The following CCNB2 variants were observed in gnomAD, a reference collection of about 807,000 sequenced individuals.
CCNB2 encodes G2/mitotic-specific cyclin-B2.
In CCNB2, 39 loss-of-function variants were observed where a neutral mutation model predicts 51.1. That is an observed-to-expected ratio of 0.76 (90% confidence interval 0.59 to 1.00). CCNB2 has a LOEUF of 1.00. Ranked by LOEUF, CCNB2 falls within the 50% of genes least tolerant of loss-of-function variation. The pLI is 0.00. For missense variants in CCNB2, 472 were observed against 470.3 expected, an observed-to-expected ratio of 1.00 and a Z score of -0.03; for synonymous variants, 174 against 165.5, an observed-to-expected ratio of 1.05 and a Z score of -0.40.
At chr15:59,109,047 T>C (rs2140285851) in intron 3 of CCNB2, among the ~76,000 whole-genome samples, 1 of 152,280 alleles carries the variant, frequency 6.6e-6, no homozygotes, top group African/African-American at 2.4e-5. Context: ...GATTTGGCAG[T>C]ATATGTATAT....
chr15:59,117,235 T>C lies in CCNB2; in HGVS notation c.842T>C (p.Val281Ala). The C allele has an allele frequency of 6.2e-7, 1 of 1,612,666 alleles. No homozygotes were observed. Among genetic ancestry groups the C allele is most frequent in the Non-Finnish European group, 8.5e-7 (1 of 1,179,824 alleles). ...RRASKAGEVD[V>A]EQHTLAKYLM... ...CTTGCTGTTCTTTCTTAGGTTGATG[T>C]TGAACAGCACACTTTAGCCAAGTAT... is the stretch of plus-strand genomic sequence containing the variant. Residue 281 changes from valine to alanine, a missense_variant, in exon 7 of 9, where the codon GTT (valine) becomes GCT (alanine). Transcript: ENST00000288207.
intron 7 of CCNB2, among the ~76,000 whole-genome samples, chr15:59,118,335 T>C (rs2079287547): frequency 6.6e-6 from 1 of 152,222 alleles, no homozygotes; most frequent in Non-Finnish European, 1.5e-5. Context: ...AACAGTCTTC[T>C]AGTCTGCAGT....
chr15:59,113,441 A>G, intron 3 of CCNB2, among the ~76,000 whole-genome samples: 1 of 152,222 alleles, frequency 6.6e-6, no homozygotes. Context: ...GGGCAAAACC[A>G]ATTAAATAAA....
chr15:59,109,259 C>T (rs1249739028), intron 3 of CCNB2, among the ~76,000 whole-genome samples: 1 of 152,138 alleles, frequency 6.6e-6, no homozygotes, highest in African/African-American at 2.4e-5. Context: ...CTCTTGACCT[C>T]AGGTGATCCA....
chr15:59,116,341 G>A (rs941317229), intron 5 of CCNB2, among the ~76,000 whole-genome samples: 6 of 152,194 alleles, frequency 3.9e-5, no homozygotes, highest in African/African-American at 1.4e-4. Flanking sequence ...CTAGGAGCTT[G>A]GTATTCAGGC....
At chr15:59,116,604 A>G in intron 5 of CCNB2, 86 bp from the exon 6 acceptor site, 1 of 875,642 alleles carries the variant, frequency 1.1e-6, no homozygotes, top group Non-Finnish European at 1.8e-6. Flanking sequence ...GCACTTTTCC[A>G]GGACTTGGTT....
At chr15:59,114,683 A>T (rs775816244) in intron 4 of CCNB2, 35 bp from the exon 5 acceptor site, 89 of 1,591,940 alleles carry the variant, frequency 5.6e-5, no homozygotes, top group Non-Finnish European at 7.4e-5. Flanking sequence ...GAAGCAAACA[A>T]GGTCAGCTTT....
Position 59,114,465 on chromosome 15 carries a change from G to A in CCNB2, c.289G>A (p.Asp97Asn), listed in dbSNP as rs1445628854. The part of the protein sequence containing the change: ...APKGPSPTPE[D>N]VSMKEENLCQ... ...GTAGGGTCCTTCTCCCACACCTGAG[G>A]ATGTCTCCATGAAGGAAGAGAATCT... Residue 97 changes from aspartate (D) to asparagine (N), a missense_variant, in exon 4 of 9, where the codon GAT (aspartate) becomes AAT (asparagine). Transcript: ENST00000288207. 1.9e-6 allele frequency: 3 copies of A among 1,609,382 alleles called. No homozygotes were observed. The South Asian group carries it at 3.3e-5, about 18-fold the overall frequency.
Position 59,114,889 on chromosome 15 carries a change from T to G in CCNB2, c.597+13T>G. 1 of 1,604,048 alleles carries G rather than the reference T, an allele frequency of 6.2e-7. No individual in the cohort carries two copies. The highest frequency in any genetic ancestry group is 8.5e-7 in the Non-Finnish European group (1 of 1,172,200). On this transcript the variant is annotated intron_variant, in intron 5 of 8. Coordinates refer to ENST00000288207, the MANE Select transcript of CCNB2 (RefSeq NM_004701.4). ...TCGATTTTTACAGGTAGGTGTGGCT[T>G]CAGGGACTTCACGCCAGTGGCTCAT...
Position 59,107,460 on chromosome 15 carries a change from A to C in CCNB2, c.153+10A>C. ...AGCACAAGTAGCTAAGGTAACAATGATGAAGACTGAATGTGAATACAGAGG... is the reference window on the plus strand; with the variant it reads ...AGCACAAGTAGCTAAGGTAACAATGCTGAAGACTGAATGTGAATACAGAGG... On this transcript the variant is annotated intron_variant, in intron 2 of 8. Coordinates refer to ENST00000288207, the MANE Select transcript of CCNB2 (RefSeq NM_004701.4). 1.9e-6 allele frequency: 3 copies of C among 1,614,144 alleles called. No homozygotes were observed. Among genetic ancestry groups the C allele is most frequent in the Non-Finnish European group, 2.5e-6 (3 of 1,180,016 alleles).
rs773270446 is a variant in CCNB2, at chr15:59,124,763, G to A, written c.1087-4G>A. On this transcript the variant is annotated splice_region_variant and splice_polypyrimidine_tract_variant and intron_variant, in intron 8 of 8. Transcript: ENST00000288207. The stretch of plus-strand genomic sequence containing the variant: ...ATGTGCTTAATCACAAATGACTTCT[G>A]CAGGCCATCAAGAATAAGTATGCAA... 48 of 1,608,146 alleles carry A rather than the reference G, an allele frequency of 3.0e-5. No homozygotes were observed. Among genetic ancestry groups the A allele is most frequent in the Non-Finnish European group, 3.9e-5 (46 of 1,174,786 alleles).
chr15:59,112,384 A>T (rs563842896), intron 3 of CCNB2, among the ~76,000 whole-genome samples: 12 of 151,282 alleles, frequency 7.9e-5, no homozygotes, highest in Non-Finnish European at 1.5e-4. Context: ...TCGCTCTGTC[A>T]CCCAGGCTGG....
chr15:59,122,241 C>CTTTTGT (rs2079305609), intron 7 of CCNB2, among the ~76,000 whole-genome samples: 1 of 72,990 alleles, frequency 1.4e-5, no homozygotes, highest in Non-Finnish European at 2.4e-5. Flanking sequence ...GTTGACATAT[C>CTTTTGT]TTTTTTTTTT....
At chr15:59,124,019 C>T (rs28383557) in intron 8 of CCNB2, 2,074 of 176,544 alleles carry the variant, frequency 0.012, 44 homozygotes, top group African/African-American at 0.044. Flanking sequence ...TATTATATTG[C>T]GTATTCAGGT....
In CCNB2 at chr15:59,114,456, A is replaced by T. The variant is rs1209837582; in HGVS notation, c.280A>T (p.Thr94Ser). 1.9e-6 allele frequency: 3 copies of T among 1,602,196 alleles called. No individual in the cohort carries two copies. In the Admixed American group the frequency reaches 5.2e-5, roughly 28 times the overall value. ...TTTGTTGGTGTAGGGTCCTTCTCCC[A>T]CACCTGAGGATGTCTCCATGAAGGA... The part of the protein sequence containing the change: ...EKLAPKGPSP[T>S]PEDVSMKEEN... The change falls in exon 4 of 9, where the codon ACA (threonine) becomes TCA (serine). Residue 94 changes from threonine to serine, a missense_variant. Physicochemically the swap from Thr to Ser is moderately conservative, Grantham distance 58. Coordinates refer to ENST00000288207, the MANE Select transcript of CCNB2 (RefSeq NM_004701.4).
chr15:59,109,279 G>A lies in CCNB2; in HGVS notation c.267+1609G>A, dbSNP rs559664872. The stretch of plus-strand genomic sequence containing the variant: ...GACCTCAGGTGATCCACCTGCCCCC[G>A]CCCCTCAAAGTGCTGGGATTACAGG... On this transcript the variant is annotated intron_variant, in intron 3 of 8. Transcript: ENST00000288207. 4.3e-4 allele frequency among the ~76,000 whole-genome samples: 66 copies of A among 152,186 alleles called. 1 individual carries two copies. The South Asian group carries it at 0.013, about 31-fold the overall frequency.
rs1007712455 is a variant in CCNB2, at chr15:59,114,624, C to T, written c.438+10C>T. On this transcript the variant is annotated intron_variant, in intron 4 of 8. Transcript: ENST00000288207. ...TCTCAGGCAGCTGGAGGTAGGTGGG[C>T]CTTTGTGTTTTGGTTGTATAAGCAA... The T allele has an allele frequency of 6.3e-7, 1 of 1,586,662 alleles. No homozygotes were observed. Among genetic ancestry groups the T allele is most frequent in the Non-Finnish European group, 8.6e-7 (1 of 1,162,340 alleles).
chr15:59,105,160 C>G lies in CCNB2; in HGVS notation c.-109C>G. 9.7e-7 allele frequency: 1 copy of G among 1,031,344 alleles called. No individual in the cohort carries two copies. Among genetic ancestry groups the G allele is most frequent in the South Asian group, 1.5e-5 (1 of 65,920 alleles). The allele number at this position is 1,031,344 out of a possible 1,614,324, so 63.9% of individuals were successfully genotyped here. ...GCTACAGCGTCGAAGATCCCCAGCG[C>G]TGCGGGCTCGGAGAGCAGTCCTAAC... On this transcript the variant is annotated 5_prime_UTR_variant, in exon 1 of 9. Transcript: ENST00000288207.
At chr15:59,112,890 C>T (rs987629089) in intron 3 of CCNB2, among the ~76,000 whole-genome samples, 2 of 151,570 alleles carry the variant, frequency 1.3e-5, no homozygotes. Flanking sequence ...AAAAATTAGG[C>T]GAGTGTGGTG....
Sources: gnomAD v4.1 joint callset for allele counts (sites outside exome capture counted in the v4.1 genomes callset) on GRCh38, gnomAD v4.1.1 for gene constraint, MANE v1.5 for transcripts, NCBI Gene and HGNC (gene_info 2026-07-23, HGNC 2026-07-21) for gene names.